Variants in AGBL3 observed in about 807,000 individuals in gnomAD.
AGBL3 encodes AGBL carboxypeptidase 3, also known as cytosolic carboxypeptidase 3.
Under a neutral mutation model 94.5 loss-of-function variants are expected in AGBL3, and 68 were observed. The observed-to-expected ratio is 0.72, with a 90% CI of 0.59 to 0.88. AGBL3 has a LOEUF of 0.88. Ranked by LOEUF, AGBL3 falls within the 40% of genes least tolerant of loss-of-function variation. The probability of loss-of-function intolerance (pLI) is 0.00; values close to 1 mark genes in which losing one functional copy is unlikely to be tolerated. For missense variants in AGBL3, 934 were observed against 1,103.8 expected (o/e 0.85, Z 2.18); for synonymous variants, 354 against 370.7 (o/e 0.95, Z 0.52).
intron 4 of AGBL3, chr7:135,012,579 T>C (rs529641923): frequency 6.6e-6 from 1 of 152,266 alleles, no homozygotes; most frequent in East Asian, 1.9e-4. Context: ...ATGGGCACAA[T>C]TGACAAAAAG....
At chr7:135,078,446 T>A (rs10488439) in intron 13 of AGBL3, among the ~76,000 whole-genome samples, 141,242 of 152,122 alleles carry the variant, frequency 0.93, 66,403 homozygotes, top group Non-Finnish European at 1. Context: ...CCTCTAATTG[T>A]TACCCCTGTG....
At chr7:135,096,584 CATAGATAGATAG>C (rs71172496) in intron 15 of AGBL3, among the ~76,000 whole-genome samples, 8 of 88,816 alleles carry the variant, frequency 9.0e-5, no homozygotes, top group African/African-American at 2.4e-4. Flanking sequence ...TAGATAGATA[CATAGATAGATAG>C]ATAGATAGAT....
intron 12 of AGBL3, among the ~76,000 whole-genome samples, chr7:135,066,787 C>G (rs1415085483): frequency 6.6e-6 from 1 of 152,134 alleles, no homozygotes; most frequent in East Asian, 1.9e-4. Context: ...AGGAACAGCT[C>G]CAGTCTACAG....
intron 15 of AGBL3, among the ~76,000 whole-genome samples, chr7:135,114,929 C>T (rs1179719478): frequency 3.3e-5 from 5 of 152,170 alleles, no homozygotes; most frequent in Non-Finnish European, 5.9e-5. Flanking sequence ...ATGTTACCTA[C>T]CTAAATTTAC....
At chr7:135,130,940 A>G (rs1694532191) in intron 16 of AGBL3, among the ~76,000 whole-genome samples, 1 of 152,160 alleles carries the variant, frequency 6.6e-6, no homozygotes, top group African/African-American at 2.4e-5. Flanking sequence ...TTTGGAAAAG[A>G]GAACAGAAAA....
At chr7:135,068,385 C>T (rs1438817000) in intron 12 of AGBL3, among the ~76,000 whole-genome samples, 1 of 152,052 alleles carries the variant, frequency 6.6e-6, no homozygotes, top group African/African-American at 2.4e-5. Flanking sequence ...ATACAGAGAA[C>T]ACCACAAAGA....
chr7:134,988,101 TTTAAA>T lies in AGBL3; in HGVS notation c.63+109_63+113del, dbSNP rs138678836. The T allele has an allele frequency of 1.0e-2, 8,872 of 890,668 alleles. 73 individuals are homozygous for T. Among genetic ancestry groups the T allele is most frequent in the Non-Finnish European group, 0.012 (7,200 of 597,530 alleles). 55.2% of individuals were successfully genotyped at this position (890,668 alleles called of 1,614,324 possible). A position where few individuals can be genotyped will look rare whatever the true frequency, so the allele number is the denominator to read the frequency against. ...ATTGGATATAAAAATCAATTGGATG[TTTAAA>T]TTATTGTCATTGAAGTTGGGAAATA... On this transcript the variant is annotated intron_variant, in intron 2 of 16. Coordinates refer to ENST00000436302, the MANE Select transcript of AGBL3 (RefSeq NM_178563.4).
chr7:135,076,998 CTG>C (rs1223348232), intron 13 of AGBL3, among the ~76,000 whole-genome samples: 3 of 152,168 alleles, frequency 2.0e-5, no homozygotes, highest in Non-Finnish European at 4.4e-5. Flanking sequence ...TCATTAAAAA[CTG>C]TGAGAGCCTG....
rs1277811668 is a variant in AGBL3 at position 135,047,484 on chromosome 7, G to T, written c.1841+1573G>T. 1.3e-5 allele frequency among the ~76,000 whole-genome samples: 2 copies of T among 151,876 alleles called. 1 individual carries two copies. The highest frequency in any genetic ancestry group is 4.1e-4 in the South Asian group (2 of 4,820). On this transcript the variant is annotated intron_variant, in intron 11 of 16. Coordinates refer to ENST00000436302, the MANE Select transcript of AGBL3 (RefSeq NM_178563.4). ...TTTTCAGTAGCAGCTGCACTGTTTT[G>T]TATTCCCACCATAGTGTACAAGGTT...
rs1295957077 is a variant in AGBL3 at position 135,038,690 on chromosome 7, G to A, written c.1500+1110G>A. Among the ~76,000 whole-genome samples, 3 of 152,164 alleles carry A rather than the reference G, an allele frequency of 2.0e-5. No individual in the cohort carries two copies. In the East Asian group the frequency reaches 5.8e-4, roughly 29 times the overall value. On this transcript the variant is annotated intron_variant, in intron 8 of 16. Coordinates refer to ENST00000436302, the MANE Select transcript of AGBL3 (RefSeq NM_178563.4). ...ATAAAAATCTTTTTGGGCCAGACGT[G>A]GTGGCTCACGCCTGTAATCCTAGCA...
intron 11 of AGBL3, among the ~76,000 whole-genome samples, chr7:135,050,189 C>T (rs1817745343): frequency 6.6e-6 from 1 of 151,908 alleles, no homozygotes; most frequent in Admixed American, 6.6e-5. Context: ...TTTCTTTACA[C>T]TTGAGAATGT....
At chr7:135,034,038 G>GC (rs1816044511) in intron 6 of AGBL3, 111 bp from the exon 7 acceptor site, 2 of 1,041,604 alleles carry the variant, frequency 1.9e-6, no homozygotes, top group Non-Finnish European at 2.6e-6. Context: ...CTGTGAATGA[G>GC]TAAAAATAAA....
intron 4 of AGBL3, among the ~76,000 whole-genome samples, chr7:135,000,647 C>T (rs188575715): frequency 1.3e-5 from 2 of 152,332 alleles, no homozygotes; most frequent in East Asian, 3.8e-4. Context: ...AATACACACA[C>T]ACTACTGGTT....
chr7:135,119,296 C>T (rs1310586929), intron 16 of AGBL3, among the ~76,000 whole-genome samples: 2 of 151,866 alleles, frequency 1.3e-5, no homozygotes, highest in Non-Finnish European at 2.9e-5. Context: ...GTGGAACAAT[C>T]TTAGCTCACT....
At chr7:135,129,813 G>A (rs1828476215) in intron 16 of AGBL3, 2 of 500,190 alleles carry the variant, frequency 4.0e-6, no homozygotes, top group Non-Finnish European at 7.5e-6. Flanking sequence ...TAGAAGATAT[G>A]GAAGAACAAG....
chr7:135,062,247 ATTT>A (rs1452237346), intron 12 of AGBL3, among the ~76,000 whole-genome samples: 1 of 151,836 alleles, frequency 6.6e-6, no homozygotes, highest in African/African-American at 2.4e-5. Context: ...TTGTATGTTG[ATTT>A]TTTATCCTTC....
intron 15 of AGBL3, among the ~76,000 whole-genome samples, chr7:135,095,128 G>A (rs1822466912): frequency 6.6e-6 from 1 of 152,162 alleles, no homozygotes; most frequent in Non-Finnish European, 1.5e-5. Context: ...CCTATTTTCG[G>A]GGAGGGATAT....
At chr7:135,097,144 G>C (rs913354132) in intron 15 of AGBL3, among the ~76,000 whole-genome samples, 1 of 152,110 alleles carries the variant, frequency 6.6e-6, no homozygotes, top group African/African-American at 2.4e-5. Flanking sequence ...TCCCTTGATT[G>C]CTTGATGAAA....
At chr7:135,059,114 G>T in intron 11 of AGBL3, 55 bp from the exon 12 acceptor site, 3 of 1,327,328 alleles carry the variant, frequency 2.3e-6, no homozygotes, top group Non-Finnish European at 3.1e-6. Flanking sequence ...AGCAACAGTT[G>T]AAATTTTAAG....
Sources: allele counts gnomAD v4.1 joint callset (sites outside exome capture counted in the v4.1 genomes callset), GRCh38; gene constraint gnomAD v4.1.1; transcripts MANE v1.5; gene names NCBI Gene and HGNC (gene_info 2026-07-23, HGNC 2026-07-21).